Variants in MYO16 observed in about 807,000 individuals in gnomAD.
MYO16 encodes myosin XVI, also known as unconventional myosin-XVI.
A neutral mutation model predicts 205.3 loss-of-function variants in MYO16; 94 were observed. The observed-to-expected ratio is 0.46, with a 90% CI of 0.39 to 0.54. The LOEUF (loss-of-function observed/expected upper bound fraction) is 0.54. MYO16 is among the 20% of genes least tolerant of loss of function. The pLI is 0.00. For missense variants in MYO16, 2,315 were observed against 2,387.5 expected (o/e 0.97, Z 0.63); for synonymous variants, 988 against 954.0 (o/e 1.04, Z -0.66).
intron 20 of MYO16, among the ~76,000 whole-genome samples, chr13:108,983,923 A>G (rs1011522358): frequency 2.6e-5 from 4 of 152,208 alleles, no homozygotes; most frequent in African/African-American, 9.6e-5. Flanking sequence ...CTCCTACTAT[A>G]CTGATCTAAC....
intron 16 of MYO16, among the ~76,000 whole-genome samples, chr13:108,927,308 A>G (rs908681341): frequency 6.6e-6 from 1 of 152,154 alleles, no homozygotes. Context: ...CCACCCAACA[A>G]CAAGGATGAT....
chr13:108,857,657 C>T (rs1279337213), intron 11 of MYO16, among the ~76,000 whole-genome samples: 1 of 152,206 alleles, frequency 6.6e-6, no homozygotes, highest in Non-Finnish European at 1.5e-5. Flanking sequence ...GCATTATTAT[C>T]TCAGTGCTTT....
At chr13:109,025,098 TG>T (rs1164030948) in intron 23 of MYO16, among the ~76,000 whole-genome samples, 4 of 152,144 alleles carry the variant, frequency 2.6e-5, no homozygotes, top group South Asian at 4.1e-4. Context: ...GCCACTGTTT[TG>T]GCCAGACCGA....
intron 16 of MYO16, among the ~76,000 whole-genome samples, chr13:108,950,877 T>G (rs1056229999): frequency 5.9e-5 from 9 of 152,224 alleles, no homozygotes; most frequent in Non-Finnish European, 1.2e-4. Context: ...TGGAACAGTT[T>G]AGCCGTACAC....
chr13:108,717,726 T>C (rs1031446419), intron 3 of MYO16, among the ~76,000 whole-genome samples: 1 of 151,268 alleles, frequency 6.6e-6, no homozygotes, highest in African/African-American at 2.4e-5. Flanking sequence ...ATAGTGCATA[T>C]AGCACAATCG....
chr13:109,008,328 G>A (rs922578862), intron 21 of MYO16, among the ~76,000 whole-genome samples: 10 of 151,500 alleles, frequency 6.6e-5, no homozygotes, highest in South Asian at 2.1e-4. Context: ...TCTTGTGTAT[G>A]CACTACTGTA....
At chr13:108,837,384 G>T (rs1330189860) in intron 9 of MYO16, among the ~76,000 whole-genome samples, 1 of 152,126 alleles carries the variant, frequency 6.6e-6, no homozygotes, top group Non-Finnish European at 1.5e-5. Context: ...GCATGCAAAT[G>T]GACTAATACA....
At position 108,823,115 on chromosome 13, in the gene MYO16, T is replaced by G. The variant is rs1031058581; in HGVS notation, c.944-10T>G. ...TCATTTTTCTGATTTTTCTTATTTT[T>G]TTCTTGTAGATATTGCTGCCTCTGA... On this transcript the variant is annotated splice_polypyrimidine_tract_variant and intron_variant, in intron 8 of 34. Transcript: ENST00000457511. The G allele has an allele frequency of 6.2e-7, 1 of 1,603,322 alleles. No homozygotes were observed.
At chr13:108,688,798 C>T (rs1313570957) in intron 2 of MYO16, among the ~76,000 whole-genome samples, 2 of 152,128 alleles carry the variant, frequency 1.3e-5, no homozygotes, top group Admixed American at 6.5e-5. Flanking sequence ...TTAGAAAGAC[C>T]GTCAATTTTG....
the MYO16 span, among the ~76,000 whole-genome samples, chr13:108,508,012 G>T: frequency 1.3e-5 from 2 of 150,376 alleles, no homozygotes; most frequent in Non-Finnish European, 3.0e-5. Context: ...CTATCTCTTT[G>T]TTAATATTCT....
intron 2 of MYO16, among the ~76,000 whole-genome samples, chr13:108,709,613 A>G (rs1168186555): frequency 7.4e-6 from 1 of 135,576 alleles, no homozygotes. Flanking sequence ...GATGTTCAAC[A>G]TGTATTCGTT....
chr13:109,206,139 AGG>A (rs113237301), intron 34 of MYO16, among the ~76,000 whole-genome samples: 37,605 of 151,976 alleles, frequency 0.25, 4,908 homozygotes, highest in African/African-American at 0.3. Flanking sequence ...GTCGGAAGTG[AGG>A]TCATGTAACC....
chr13:109,011,642 G>A (rs1157434021), intron 22 of MYO16, among the ~76,000 whole-genome samples: 1 of 151,922 alleles, frequency 6.6e-6, no homozygotes, highest in East Asian at 1.9e-4. Context: ...AGCCACCTGA[G>A]TAGCTGGAAC....
intron 34 of MYO16, among the ~76,000 whole-genome samples, chr13:109,196,507 T>C (rs1300006056): frequency 6.6e-6 from 1 of 152,182 alleles, no homozygotes; most frequent in Non-Finnish European, 1.5e-5. Context: ...GCTTTTCTGG[T>C]GTTCAGAGGC....
intron 1 of MYO16, among the ~76,000 whole-genome samples, chr13:108,647,386 G>A (rs2139392849): frequency 6.6e-6 from 1 of 152,172 alleles, no homozygotes; most frequent in East Asian, 1.9e-4. Flanking sequence ...TTTTTGTAAT[G>A]CTGTTTGCAA....
intron 16 of MYO16, among the ~76,000 whole-genome samples, chr13:108,951,941 TA>T (rs943311324): frequency 6.6e-6 from 1 of 151,876 alleles, no homozygotes; most frequent in Non-Finnish European, 1.5e-5. Context: ...CCATCACTAC[TA>T]AAAAAACACA....
At chr13:108,756,738 A>C (rs1566589425) in intron 4 of MYO16, among the ~76,000 whole-genome samples, 1 of 152,278 alleles carries the variant, frequency 6.6e-6, no homozygotes, top group African/African-American at 2.4e-5. Flanking sequence ...GGTATTCTGT[A>C]CTCAGTCTAT....
chr13:109,141,234 C>T lies in MYO16; in HGVS notation c.5022C>T (p.Ser1674=). ...GGGCGGACGCCAGGAAGGCCGGCTC[C>T]AGTGCCTCGCCCCCCGCGCCCTACA... ...ATRADARKAG[S]SASPPAPYSP... The change falls in exon 32 of 35, where the codon TCC becomes TCT. Residue 1674 remains serine, a synonymous_variant. Transcript: ENST00000457511. This position sits in a 1 kb window ranked among gnomAD's most constrained non-coding sequence, Gnocchi z 4.1. 2 of 1,606,504 alleles carry T rather than the reference C, an allele frequency of 1.2e-6. No homozygotes were observed. The highest frequency in any genetic ancestry group is 1.7e-6 in the Non-Finnish European group (2 of 1,176,504).
intron 20 of MYO16, among the ~76,000 whole-genome samples, chr13:108,972,330 CTA>C (rs1355313392): frequency 0.063 from 412 of 6,550 alleles, 33 homozygotes; most frequent in Non-Finnish European, 0.069. Flanking sequence ...ATATAGCCAT[CTA>C]TATATATATA....
Sources: allele counts gnomAD v4.1 joint callset (sites outside exome capture counted in the v4.1 genomes callset), GRCh38; gene constraint gnomAD v4.1.1; non-coding constraint Gnocchi (gnomAD v3.1); transcripts MANE v1.5; gene names NCBI Gene and HGNC (gene_info 2026-07-23, HGNC 2026-07-21).